The following NAALADL2 variants were observed in gnomAD, a reference collection of about 807,000 sequenced individuals.
NAALADL2 encodes the protein N-acetylated alpha-linked acidic dipeptidase like 2.
In NAALADL2, 76 loss-of-function variants were observed where a neutral mutation model predicts 87.2. The observed-to-expected ratio is 0.87, with a 90% CI of 0.72 to 1.05. The LOEUF (loss-of-function observed/expected upper bound fraction) is 1.05. Ranked by LOEUF, NAALADL2 falls within the 50% of genes least tolerant of loss-of-function variation. NAALADL2 has a pLI of 0.00. For synonymous variants in NAALADL2, 354 were observed against 331.0 expected (o/e 1.07, Z -0.75); for missense variants, 1,089 against 945.8 (o/e 1.15, Z -1.99).
chr3:174,875,725 C>T (rs1416444443), intron 1 of NAALADL2, among the ~76,000 whole-genome samples: 2 of 152,000 alleles, frequency 1.3e-5, no homozygotes, highest in Non-Finnish European at 2.9e-5. Flanking sequence ...GTGTTTATAA[C>T]ATTGTAACAA....
At chr3:175,156,305 CAGACAAA>C (rs773114563) in intron 2 of NAALADL2, among the ~76,000 whole-genome samples, 3 of 151,846 alleles carry the variant, frequency 2.0e-5, no homozygotes, top group Non-Finnish European at 4.4e-5. Flanking sequence ...TCTTTATTCT[CAGACAAA>C]TCTTTAGATA....
chr3:174,530,402 A>C (rs1047958685), intron 1 of NAALADL2, among the ~76,000 whole-genome samples: 11 of 151,934 alleles, frequency 7.2e-5, no homozygotes, highest in Admixed American at 6.6e-4. Context: ...AACTTTCCCA[A>C]ATTTTCCTAT....
chr3:175,445,679 CTA>C (rs1210614293), intron 5 of NAALADL2, among the ~76,000 whole-genome samples: 2 of 152,148 alleles, frequency 1.3e-5, no homozygotes, highest in Admixed American at 1.3e-4. Flanking sequence ...ATTATTATGA[CTA>C]TGTAAATATT....
chr3:175,377,320 A>C (rs1010105001), intron 5 of NAALADL2, among the ~76,000 whole-genome samples: 4 of 152,162 alleles, frequency 2.6e-5, no homozygotes, highest in Non-Finnish European at 5.9e-5. Context: ...TCAAAAACAA[A>C]AACAAAAAAA....
intron 5 of NAALADL2, among the ~76,000 whole-genome samples, chr3:175,379,484 T>C (rs1352697048): frequency 6.6e-6 from 1 of 151,992 alleles, no homozygotes; most frequent in African/African-American, 2.4e-5. Context: ...TGTTTTTACG[T>C]CTCGTATGGT....
At chr3:174,934,601 C>G (rs28514710) in intron 1 of NAALADL2, among the ~76,000 whole-genome samples, 14,376 of 151,910 alleles carry the variant, frequency 0.095, 979 homozygotes, top group African/African-American at 0.19. Flanking sequence ...TGCTTTAGCT[C>G]GGGAGTTTGA....
At chr3:175,059,751 T>G (rs1713040695) in intron 1 of NAALADL2, 2 of 296,378 alleles carry the variant, frequency 6.7e-6, no homozygotes, top group Admixed American at 7.6e-5. Flanking sequence ...TCTTTACTAT[T>G]TGCAGCTCTG....
chr3:175,664,067 T>A (rs1680646495), intron 11 of NAALADL2, among the ~76,000 whole-genome samples: 1 of 152,018 alleles, frequency 6.6e-6, no homozygotes, highest in Admixed American at 6.6e-5. Flanking sequence ...GATAGAAAGA[T>A]CAATTATTGG....
chr3:174,836,837 T>G (rs1169889173), intron 3 of NAALADL2, among the ~76,000 whole-genome samples: 1 of 152,090 alleles, frequency 6.6e-6, no homozygotes, highest in Non-Finnish European at 1.5e-5. Flanking sequence ...TTACCACTTC[T>G]GACACACAAA....
intron 2 of NAALADL2, among the ~76,000 whole-genome samples, chr3:174,724,657 A>G (rs1163400464): frequency 6.6e-6 from 1 of 152,090 alleles, no homozygotes; most frequent in African/African-American, 2.4e-5. Flanking sequence ...TGCATATAGT[A>G]AACATTCAAC....
At chr3:175,452,229 T>TTTTC (rs1553899063) in intron 6 of NAALADL2, among the ~76,000 whole-genome samples, 38 of 27,048 alleles carry the variant, frequency 1.4e-3, no homozygotes, top group South Asian at 5.7e-3. Flanking sequence ...TGTCTTCAGA[T>TTTTC]TCTCTCTCTC....
chr3:174,740,537 G>C (rs1001377048), intron 3 of NAALADL2, among the ~76,000 whole-genome samples: 1 of 151,828 alleles, frequency 6.6e-6, no homozygotes, highest in African/African-American at 2.4e-5. Context: ...TGTGACAGTG[G>C]CTTTAAGAGT....
chr3:175,656,676 GT>G (rs1731504980), intron 11 of NAALADL2, among the ~76,000 whole-genome samples: 1 of 152,050 alleles, frequency 6.6e-6, no homozygotes, highest in Non-Finnish European at 1.5e-5. Flanking sequence ...CCTCAAAGGT[GT>G]GCAGAGGAAG....
At chr3:175,315,168 C>T (rs1457591434) in intron 4 of NAALADL2, among the ~76,000 whole-genome samples, 3 of 152,090 alleles carry the variant, frequency 2.0e-5, no homozygotes, top group South Asian at 2.1e-4. Flanking sequence ...TGAAAAGTGT[C>T]GCAGCATGAC....
chr3:175,521,721 A>G (rs1472687885), intron 9 of NAALADL2, among the ~76,000 whole-genome samples: 2 of 152,170 alleles, frequency 1.3e-5, no homozygotes, highest in Admixed American at 1.3e-4. Flanking sequence ...ATGCTTCTAC[A>G]AGCTAAGAAG....
intron 5 of NAALADL2, among the ~76,000 whole-genome samples, chr3:175,350,142 C>T (rs1763609569): frequency 6.6e-6 from 1 of 150,532 alleles, no homozygotes; most frequent in South Asian, 2.1e-4. Context: ...GTGTTTTTCC[C>T]TTGTTTTAGT....
chr3:174,582,168 G>T (rs983688154), intron 2 of NAALADL2, among the ~76,000 whole-genome samples: 2 of 152,144 alleles, frequency 1.3e-5, no homozygotes, highest in Non-Finnish European at 2.9e-5. Context: ...TTAGTAGTTA[G>T]GTTGCCACTT....
At chr3:174,602,855 A>T (rs1409948195) in intron 2 of NAALADL2, among the ~76,000 whole-genome samples, 1 of 152,032 alleles carries the variant, frequency 6.6e-6, no homozygotes, top group African/African-American at 2.4e-5. Flanking sequence ...AAATTTATCA[A>T]ATGATTTTTC....
intron 2 of NAALADL2, among the ~76,000 whole-genome samples, chr3:175,155,612 C>G (rs2108806673): frequency 6.6e-6 from 1 of 152,074 alleles, no homozygotes; most frequent in African/African-American, 2.4e-5. Flanking sequence ...TTGCTTTATG[C>G]TATGTCTTGA....
Sources: allele counts gnomAD v4.1 joint callset (sites outside exome capture counted in the v4.1 genomes callset), GRCh38; gene constraint gnomAD v4.1.1; transcripts MANE v1.5; gene names NCBI Gene and HGNC (gene_info 2026-07-23, HGNC 2026-07-21).